The following NUMB variants were observed in gnomAD, a reference collection of about 807,000 sequenced individuals.
NUMB encodes protein numb homolog.
In NUMB, 29 loss-of-function variants were observed where a neutral mutation model predicts 59.7. The ratio of observed to expected loss-of-function variants is 0.49; its 90% confidence interval spans 0.36 to 0.66. The LOEUF is 0.66. Ranked by LOEUF, NUMB falls within the 30% of genes least tolerant of loss-of-function variation. The pLI, the probability that NUMB is intolerant of heterozygous loss-of-function variation, is 0.00. For missense variants in NUMB, 723 were observed against 822.0 expected (o/e 0.88, Z 1.47); for synonymous variants, 288 against 288.2 (o/e 1.00, Z 0.01).
At chr14:73,383,206 C>A (rs1420033818) in intron 2 of NUMB, among the ~76,000 whole-genome samples, 1 of 152,028 alleles carries the variant, frequency 6.6e-6, no homozygotes, top group African/African-American at 2.4e-5. Context: ...TTGTTAATTA[C>A]CACACACAGA....
intron 4 of NUMB, among the ~76,000 whole-genome samples, chr14:73,331,440 C>T (rs1446213373): frequency 3.3e-5 from 5 of 152,052 alleles, no homozygotes; most frequent in South Asian, 2.1e-4. Context: ...CCCAGCTACT[C>T]GGGAGGCTGA....
At chr14:73,358,263 A>C (rs1189538867) in intron 3 of NUMB, among the ~76,000 whole-genome samples, 8 of 152,160 alleles carry the variant, frequency 5.3e-5, no homozygotes, top group African/African-American at 1.9e-4. Flanking sequence ...CCTTTAACAG[A>C]GCTCCATCCC....
intron 11 of NUMB, among the ~76,000 whole-genome samples, chr14:73,281,202 C>T (rs1030588041): frequency 6.6e-6 from 1 of 151,854 alleles, no homozygotes; most frequent in South Asian, 2.1e-4. Flanking sequence ...GAGTTTAAAT[C>T]CTGTCTGTAA....
At chr14:73,307,074 C>A (rs1029217447) in intron 6 of NUMB, among the ~76,000 whole-genome samples, 4 of 152,104 alleles carry the variant, frequency 2.6e-5, no homozygotes, top group Non-Finnish European at 5.9e-5. Flanking sequence ...CTTTGGGAGG[C>A]CAAGGCGGGT....
At chr14:73,401,821 G>A (rs769062590) in intron 2 of NUMB, among the ~76,000 whole-genome samples, 8 of 151,738 alleles carry the variant, frequency 5.3e-5, no homozygotes, top group African/African-American at 1.2e-4. Context: ...CGCCCACCTC[G>A]GCCTCCCAGA....
intron 4 of NUMB, among the ~76,000 whole-genome samples, chr14:73,324,046 T>C (rs964066273): frequency 6.6e-6 from 1 of 152,164 alleles, no homozygotes; most frequent in Non-Finnish European, 1.5e-5. Context: ...CAAAGATAGA[T>C]CCTTCAAAAA....
chr14:73,325,471 T>C (rs908705776), intron 4 of NUMB, among the ~76,000 whole-genome samples: 1 of 152,028 alleles, frequency 6.6e-6, no homozygotes, highest in Non-Finnish European at 1.5e-5. Context: ...CAAAATGAAA[T>C]GAAGAAAACT....
intron 2 of NUMB, among the ~76,000 whole-genome samples, chr14:73,386,185 C>T (rs1895515028): frequency 6.6e-6 from 1 of 152,040 alleles, no homozygotes; most frequent in African/African-American, 2.4e-5. Flanking sequence ...CTACAGCATG[C>T]TATGATGGCA....
intron 12 of NUMB, 23 bp from the exon 13 acceptor site, chr14:73,277,316 C>T (rs1566721588): frequency 6.5e-7 from 1 of 1,547,624 alleles, no homozygotes; most frequent in South Asian, 1.2e-5. Flanking sequence ...AGATGAGAGA[C>T]AAAAGAATCA....
intron 1 of NUMB, among the ~76,000 whole-genome samples, chr14:73,445,161 C>G (rs1434353711): frequency 1.3e-5 from 2 of 151,428 alleles, no homozygotes; most frequent in Non-Finnish European, 2.9e-5. Flanking sequence ...ATTTACTAGC[C>G]TAGGCAACAC....
chr14:73,277,337 T>C, intron 12 of NUMB, 44 bp from the exon 13 acceptor site: 1 of 1,405,794 alleles, frequency 7.1e-7, no homozygotes, highest in Non-Finnish European at 9.8e-7. Flanking sequence ...GTTAGGGGCA[T>C]CTTTCCTCAC....
chr14:73,311,044 C>CTATT (rs562456821), intron 6 of NUMB, among the ~76,000 whole-genome samples: 105 of 151,992 alleles, frequency 6.9e-4, no homozygotes, highest in Middle Eastern at 3.4e-3. Flanking sequence ...AGGCAATGAG[C>CTATT]TATTTATTTA....
intron 1 of NUMB, among the ~76,000 whole-genome samples, chr14:73,437,115 A>C (rs1595038551): frequency 7.0e-6 from 1 of 143,364 alleles, no homozygotes; most frequent in East Asian, 2.0e-4. Flanking sequence ...GCACGATCAC[A>C]ACTCACAGCA....
intron 2 of NUMB, among the ~76,000 whole-genome samples, chr14:73,408,226 CAA>C (rs11293087): frequency 3.2e-4 from 46 of 144,154 alleles, no homozygotes; most frequent in Admixed American, 4.8e-4. Context: ...GACTCCGTCT[CAA>C]AAAAAAAAAA....
At chr14:73,358,701 T>G (rs139283395) in intron 3 of NUMB, among the ~76,000 whole-genome samples, 1 of 152,020 alleles carries the variant, frequency 6.6e-6, no homozygotes, top group African/African-American at 2.4e-5. Flanking sequence ...TTACTTCTAT[T>G]ATTGTATGCA....
intron 2 of NUMB, among the ~76,000 whole-genome samples, chr14:73,367,348 TAG>T (rs71112740): frequency 3.5e-4 from 37 of 105,306 alleles, no homozygotes; most frequent in East Asian, 1.0e-3. Context: ...TATATATATA[TAG>T]AGAGAGAGAG....
intron 1 of NUMB, among the ~76,000 whole-genome samples, chr14:73,432,480 T>C (rs142759781): frequency 1.8e-4 from 28 of 152,238 alleles, no homozygotes; most frequent in African/African-American, 6.3e-4. Flanking sequence ...GTACTCATTA[T>C]TCACTATAAT....
intron 5 of NUMB, among the ~76,000 whole-genome samples, chr14:73,317,160 G>A (rs1891128212): frequency 6.6e-6 from 1 of 152,134 alleles, no homozygotes; most frequent in African/African-American, 2.4e-5. Context: ...ATCTATTAAG[G>A]TTACAAGGCT....
intron 3 of NUMB, among the ~76,000 whole-genome samples, chr14:73,361,101 G>A (rs1437818034): frequency 6.6e-6 from 1 of 152,130 alleles, no homozygotes; most frequent in Non-Finnish European, 1.5e-5. Context: ...TGTTACCGAG[G>A]CTGGTTTTGA....
Sources: allele counts gnomAD v4.1 joint callset (sites outside exome capture counted in the v4.1 genomes callset), GRCh38; gene constraint gnomAD v4.1.1; transcripts MANE v1.5; gene names NCBI Gene and HGNC (gene_info 2026-07-23, HGNC 2026-07-21).